Variants in MSH3 observed in about 807,000 individuals in gnomAD.
The protein encoded by MSH3 is DNA mismatch repair protein Msh3.
Under a neutral mutation model 123.3 loss-of-function variants are expected in MSH3, and 106 were observed. That is an observed-to-expected ratio of 0.86 (90% CI 0.73 to 1.01). MSH3 has a LOEUF of 1.01. MSH3 is among the 50% of genes least tolerant of loss of function. The pLI is 0.00. For missense variants in MSH3, 1,459 were observed against 1,347.6 expected (o/e 1.08, Z -1.29); for synonymous variants, 515 against 481.4 (o/e 1.07, Z -0.91).
intron 17 of MSH3, 106 bp downstream of exon 17, chr5:80,778,942 A>G (rs1438419306): frequency 1.4e-6 from 1 of 729,762 alleles, no homozygotes; most frequent in Non-Finnish European, 2.4e-6. Context: ...ATGACCCACC[A>G]TAAAATAGTT....
intron 8 of MSH3, among the ~76,000 whole-genome samples, chr5:80,682,117 A>C (rs1749985786): frequency 6.6e-6 from 1 of 152,146 alleles, no homozygotes; most frequent in Admixed American, 6.6e-5. Context: ...ATTTCTGTGG[A>C]GTTCCTACAG....
chr5:80,659,926 C>T lies in MSH3; in HGVS notation c.358+3395C>T, dbSNP rs367787431. ...ATATCCACCTCAGTTCTTAACTCTTCAATTAACAAGTTATTTTTTATACCT... is the reference window on the plus strand; with the variant it reads ...ATATCCACCTCAGTTCTTAACTCTTTAATTAACAAGTTATTTTTTATACCT... On this transcript the variant is annotated intron_variant, in intron 2 of 23. Coordinates refer to ENST00000265081, the MANE Select transcript of MSH3 (RefSeq NM_002439.5). Among the ~76,000 whole-genome samples the T allele has an allele frequency of 9.2e-5, 14 of 152,258 alleles. No individual in the cohort carries two copies. The South Asian group carries it at 2.9e-3, about 32-fold the overall frequency.
chr5:80,761,507 C>T, intron 12 of MSH3, 39 bp from the exon 13 acceptor site: 1 of 1,612,666 alleles, frequency 6.2e-7, no homozygotes, highest in Non-Finnish European at 8.5e-7. Context: ...TTCTGAATTC[C>T]TAACATATCT....
chr5:80,785,743 A>T (rs6151834), intron 17 of MSH3, among the ~76,000 whole-genome samples: 1 of 152,176 alleles, frequency 6.6e-6, no homozygotes, highest in Admixed American at 6.5e-5. Context: ...AACCAACCCA[A>T]ATGTCCAAGA....
intron 20 of MSH3, among the ~76,000 whole-genome samples, chr5:80,816,431 A>T (rs971915679): frequency 2.6e-5 from 4 of 152,152 alleles, no homozygotes; most frequent in Admixed American, 6.5e-5. Context: ...AGCATAAAAA[A>T]CATAGACAAT....
intron 10 of MSH3, among the ~76,000 whole-genome samples, chr5:80,730,853 G>T (rs1743396491): frequency 6.8e-6 from 1 of 147,038 alleles, no homozygotes; most frequent in African/African-American, 2.5e-5. Flanking sequence ...AAATGAATTT[G>T]GACCTGGAAA....
chr5:80,871,918 C>T (rs151277933), intron 22 of MSH3, among the ~76,000 whole-genome samples: 11 of 152,186 alleles, frequency 7.2e-5, no homozygotes, highest in East Asian at 5.8e-4. Context: ...TGCCCCAAAG[C>T]GGGATGTGGT....
At chr5:80,668,782 C>T (rs1428402379) in intron 3 of MSH3, among the ~76,000 whole-genome samples, 1 of 152,132 alleles carries the variant, frequency 6.6e-6, no homozygotes, top group Non-Finnish European at 1.5e-5. Context: ...GGGTGGGGCT[C>T]CTGCCTGCTC....
chr5:80,672,848 T>TC lies in MSH3; in HGVS notation c.1017_1018insC (p.Ile340HisfsTer13). On this transcript the variant is annotated frameshift_variant, in exon 6 of 24. Transcript: ENST00000265081. LOFTEE classifies it high-confidence loss of function. The stretch of plus-strand genomic sequence containing the variant: ...CTGCCCTTTATACAAAATCTACACT[T>TC]ATTGGAGAAGATATCCTTTTTGGAC... 1 of 1,608,684 alleles carries TC rather than the reference T, an allele frequency of 6.2e-7. No individual in the cohort carries two copies. The highest frequency in any genetic ancestry group is 1.7e-4 in the Middle Eastern group (1 of 6,058).
At chr5:80,703,066 A>T (rs1432085113) in intron 8 of MSH3, among the ~76,000 whole-genome samples, 1 of 152,240 alleles carries the variant, frequency 6.6e-6, no homozygotes, top group Non-Finnish European at 1.5e-5. Flanking sequence ...TACCTGGTAC[A>T]TTCTGCCATT....
intron 2 of MSH3, among the ~76,000 whole-genome samples, chr5:80,658,050 T>TTTTTTTTTTTTTTTG (rs1580541891): frequency 1.3e-5 from 2 of 149,366 alleles, no homozygotes; most frequent in African/African-American, 2.5e-5. Context: ...TTTTTTTTTT[T>TTTTTTTTTTTTTTTG]GAGATAGGGT....
At chr5:80,868,742 C>T (rs1746147827) in intron 22 of MSH3, among the ~76,000 whole-genome samples, 1 of 150,786 alleles carries the variant, frequency 6.6e-6, no homozygotes, top group Admixed American at 6.6e-5. Flanking sequence ...CTATAGCAAA[C>T]CTGCACATGT....
At chr5:80,712,028 A>C (rs952772176) in intron 8 of MSH3, among the ~76,000 whole-genome samples, 1 of 152,188 alleles carries the variant, frequency 6.6e-6, no homozygotes, top group African/African-American at 2.4e-5. Context: ...CGTAAGTGAA[A>C]AGCTTGAAGG....
At chr5:80,667,583 T>G (rs1749599669) in intron 3 of MSH3, among the ~76,000 whole-genome samples, 1 of 151,668 alleles carries the variant, frequency 6.6e-6, no homozygotes, top group South Asian at 2.1e-4. Flanking sequence ...GTGGTGAGGG[T>G]GAGGGGTGTG....
At position 80,869,815 on chromosome 5, in the gene MSH3, T is replaced by TATATAC. The variant is rs1554077159; in HGVS notation, c.3131-3296_3131-3295insCATATA. Among the ~76,000 whole-genome samples, 15 of 85,384 alleles carry TATATAC rather than the reference T, an allele frequency of 1.8e-4. No homozygotes were observed. The East Asian group carries it at 4.3e-3, about 25-fold the overall frequency. The allele number at this position is 85,384 out of a possible 152,430, so 56.0% of individuals were successfully genotyped here. A position where few individuals can be genotyped will look rare whatever the true frequency, so the allele number is the denominator to read the frequency against. Reference sequence around the variant, plus strand: ...ATATACATATATATACATATATACATATATATATACATATATACATATATA... The same window carrying TATATAC: ...ATATACATATATATACATATATACATATATACATATATATACATATATACATATATA... On this transcript the variant is annotated intron_variant, in intron 22 of 23. Transcript: ENST00000265081.
intron 8 of MSH3, among the ~76,000 whole-genome samples, chr5:80,719,638 G>A (rs1751040871): frequency 6.6e-6 from 1 of 152,132 alleles, no homozygotes. Context: ...AAATGCCATT[G>A]CATTTAAAGG....
At chr5:80,786,033 C>T (rs1002188026) in intron 17 of MSH3, among the ~76,000 whole-genome samples, 1 of 151,916 alleles carries the variant, frequency 6.6e-6, no homozygotes, top group African/African-American at 2.4e-5. Flanking sequence ...GGGAGATATA[C>T]CTAACGCTAG....
At position 80,761,607 on chromosome 5, in the gene MSH3, G is replaced by T. The variant is rs770779948; in HGVS notation, c.1825G>T (p.Gly609Cys). The T allele has an allele frequency of 6.2e-7, 1 of 1,613,992 alleles. No homozygotes were observed. Among genetic ancestry groups the T allele is most frequent in the Non-Finnish European group, 8.5e-7 (1 of 1,179,960 alleles). Reference sequence around the variant, plus strand: ...TCTCCATTCAGAATCTAGTGTGTTTGGTCAGATAGAAAATCATCTACGTAA... The same window carrying T: ...TCTCCATTCAGAATCTAGTGTGTTTTGTCAGATAGAAAATCATCTACGTAA... Reference protein sequence around the residue: ...EVLHSESSVFGQIENHLRKLP... With the variant: ...EVLHSESSVFCQIENHLRKLP... Residue 609 changes from glycine (G) to cysteine (C), a missense_variant, in exon 13 of 24, where the codon GGT (glycine) becomes TGT (cysteine). By Grantham distance (159) the Gly-to-Cys change is radical (BLOSUM62 -3). Coordinates refer to ENST00000265081, the MANE Select transcript of MSH3 (RefSeq NM_002439.5).
chr5:80,744,691 T>G, intron 12 of MSH3, 76 bp downstream of exon 12: 1 of 1,026,556 alleles, frequency 9.7e-7, no homozygotes, highest in Non-Finnish European at 1.5e-6. Flanking sequence ...AAAACCAAGG[T>G]TACCATTGTT....
Sources: allele counts gnomAD v4.1 joint callset (sites outside exome capture counted in the v4.1 genomes callset), GRCh38; gene constraint gnomAD v4.1.1; transcripts MANE v1.5; gene names NCBI Gene and HGNC (gene_info 2026-07-23, HGNC 2026-07-21).